Variants in STIM1 observed in about 807,000 individuals in gnomAD.
STIM1 encodes the protein stromal interaction molecule 1.
In STIM1, 25 loss-of-function variants were observed where a neutral mutation model predicts 74.7. The ratio of observed to expected loss-of-function variants is 0.33; its 90% CI spans 0.24 to 0.47. STIM1 has a LOEUF of 0.47. STIM1 is among the 20% of genes least tolerant of loss of function. STIM1 has a pLI of 1.00. For missense variants in STIM1, 728 were observed against 920.8 expected (o/e 0.79, Z 2.71); for synonymous variants, 328 against 348.8 (o/e 0.94, Z 0.66).
chr11:3,952,689 T>C (rs2093163977), intron 1 of STIM1, among the ~76,000 whole-genome samples: 2 of 152,184 alleles, frequency 1.3e-5, no homozygotes, highest in South Asian at 2.1e-4. Context: ...CCCAGTGCCT[T>C]TGCCTAGTTC....
intron 1 of STIM1, among the ~76,000 whole-genome samples, chr11:3,964,820 C>G (rs2959064): frequency 0.93 from 141,744 of 151,824 alleles, 66,192 homozygotes; most frequent in African/African-American, 0.97. Flanking sequence ...AGCCTCGTGG[C>G]CTCAAGCGAT....
intron 3 of STIM1, among the ~76,000 whole-genome samples, chr11:4,045,296 C>G (rs921178023): frequency 1.3e-5 from 2 of 152,130 alleles, no homozygotes; most frequent in African/African-American, 4.8e-5. Context: ...ACTTTACAGG[C>G]TAGCACTTGT....
chr11:4,072,447 T>A (rs1420890533), intron 6 of STIM1, among the ~76,000 whole-genome samples: 1 of 152,252 alleles, frequency 6.6e-6, no homozygotes, highest in African/African-American at 2.4e-5. Context: ...GCAGGAATTT[T>A]GATTCCCAAA....
At chr11:4,019,256 T>C (rs1402758650) in intron 2 of STIM1, 2 of 152,178 alleles carry the variant, frequency 1.3e-5, no homozygotes, top group African/African-American at 4.8e-5. Flanking sequence ...AAATGACAAA[T>C]TGTGAATACC....
chr11:4,083,750 T>C, intron 10 of STIM1: 1 of 514,026 alleles, frequency 1.9e-6, no homozygotes, highest in East Asian at 3.3e-5. Context: ...CCTTCATTCT[T>C]TTTCACTTTA....
At chr11:3,990,151 G>C (rs558605974) in intron 2 of STIM1, among the ~76,000 whole-genome samples, 19 of 152,136 alleles carry the variant, frequency 1.2e-4, no homozygotes, top group Non-Finnish European at 2.1e-4. Flanking sequence ...TATAATATGT[G>C]GTCTGTTGTA....
chr11:4,046,059 C>CTTTTTTTTTTTT (rs35783768), intron 3 of STIM1, among the ~76,000 whole-genome samples: 2 of 59,030 alleles, frequency 3.4e-5, no homozygotes, highest in Admixed American at 3.4e-4. Context: ...CGTGAGCTAC[C>CTTTTTTTTTTTT]TTTTTTTTTT....
chr11:3,973,862 T>G (rs2093419783), intron 2 of STIM1: 5 of 442,386 alleles, frequency 1.1e-5, no homozygotes, highest in South Asian at 1.1e-4. Context: ...TATAGGCACA[T>G]GCCACCATAC....
intron 6 of STIM1, among the ~76,000 whole-genome samples, chr11:4,070,957 G>A (rs2094399824): frequency 6.6e-6 from 1 of 152,168 alleles, no homozygotes; most frequent in Non-Finnish European, 1.5e-5. Flanking sequence ...AGCAGTGAGA[G>A]CACACTTAAT....
At chr11:4,052,753 T>C (rs1361361043) in intron 3 of STIM1, among the ~76,000 whole-genome samples, 1 of 152,090 alleles carries the variant, frequency 6.6e-6, no homozygotes, top group Non-Finnish European at 1.5e-5. Context: ...CTAATTAAAC[T>C]AAAGAGCTTC....
At chr11:3,874,391 G>GT (rs2091242723) in intron 1 of STIM1, among the ~76,000 whole-genome samples, 1 of 152,198 alleles carries the variant, frequency 6.6e-6, no homozygotes, top group Non-Finnish European at 1.5e-5. Context: ...CAGGGCTAGT[G>GT]TTTTACACAC....
intron 1 of STIM1, among the ~76,000 whole-genome samples, chr11:3,857,765 T>C (rs2090442417): frequency 6.6e-6 from 1 of 152,186 alleles, no homozygotes; most frequent in Non-Finnish European, 1.5e-5. Flanking sequence ...GGGAGTTTCA[T>C]GGATGGATCC....
Position 4,078,462 on chromosome 11 carries a change from A to G in STIM1, c.970-3722A>G, listed in dbSNP as rs565935396. On this transcript the variant is annotated intron_variant, in intron 7 of 12. Coordinates refer to ENST00000526596, the MANE Select transcript of STIM1 (RefSeq NM_001382567.1). Reference sequence around the variant, plus strand: ...CTAAAATCATCAATGTCTCCCAGGAAGAAAATGACTGGCAATTGACAAATC... The same window carrying G: ...CTAAAATCATCAATGTCTCCCAGGAGGAAAATGACTGGCAATTGACAAATC... Among the ~76,000 whole-genome samples the G allele has an allele frequency of 7.9e-5, 12 of 152,332 alleles. No individual in the cohort carries two copies. The South Asian group carries it at 2.5e-3, about 32-fold the overall frequency.
chr11:3,872,238 A>G (rs1309031995), intron 1 of STIM1, among the ~76,000 whole-genome samples: 1 of 151,866 alleles, frequency 6.6e-6, no homozygotes, highest in East Asian at 2.0e-4. Flanking sequence ...TTTTTAGTAG[A>G]GACAGGGTTT....
intron 2 of STIM1, among the ~76,000 whole-genome samples, chr11:4,002,173 A>G (rs1263801596): frequency 1.5e-4 from 22 of 147,656 alleles, no homozygotes; most frequent in Non-Finnish European, 2.8e-4. Context: ...CATTAGACAG[A>G]TCAACGAGAC....
chr11:4,012,171 T>G (rs1215603987), intron 2 of STIM1, among the ~76,000 whole-genome samples: 1 of 152,240 alleles, frequency 6.6e-6, no homozygotes, highest in Non-Finnish European at 1.5e-5. Context: ...GCCTCCAGCT[T>G]TGTTCTCTTT....
intron 1 of STIM1, among the ~76,000 whole-genome samples, chr11:3,932,942 G>A (rs1005443153): frequency 6.6e-6 from 1 of 152,154 alleles, no homozygotes; most frequent in Admixed American, 6.5e-5. Flanking sequence ...GGTTATTGGG[G>A]TCCAGAGATT....
chr11:3,950,180 C>A (rs904036339), intron 1 of STIM1, among the ~76,000 whole-genome samples: 2 of 148,516 alleles, frequency 1.3e-5, no homozygotes, highest in African/African-American at 5.0e-5. Context: ...GTTGCCCAGG[C>A]TGGAGTGGAG....
intron 6 of STIM1, among the ~76,000 whole-genome samples, chr11:4,072,492 T>TA (rs1306197775): frequency 1.2e-4 from 18 of 152,254 alleles, no homozygotes; most frequent in African/African-American, 4.3e-4. Context: ...CACAACTGCT[T>TA]AGAGCCAGGA....
Sources: allele counts gnomAD v4.1 joint callset (sites outside exome capture counted in the v4.1 genomes callset), GRCh38; gene constraint gnomAD v4.1.1; transcripts MANE v1.5; gene names NCBI Gene and HGNC (gene_info 2026-07-23, HGNC 2026-07-21).